STARD13: variants seen among roughly 807,000 people sequenced by gnomAD.
The protein encoded by STARD13 is StAR related lipid transfer domain containing 13.
STARD13 carries 62 observed loss-of-function variants against 106.4 expected under a neutral mutation model. The observed-to-expected ratio is 0.58, with a 90% confidence interval of 0.48 to 0.72. The LOEUF is 0.72. Among genes scored for constraint, STARD13 ranks in the 30% least tolerant of loss-of-function variants. The pLI, the probability that STARD13 is intolerant of heterozygous loss-of-function variation, is 0.00. For synonymous variants in STARD13, 565 were observed against 553.0 expected, an observed-to-expected ratio of 1.02 and a Z score of -0.31; for missense variants, 1,387 against 1,424.0, an observed-to-expected ratio of 0.97 and a Z score of 0.42.
chr13:33,500,886 C>G, the STARD13 span, among the ~76,000 whole-genome samples: 1 of 151,788 alleles, frequency 6.6e-6, no homozygotes, highest in Non-Finnish European at 1.5e-5. Context: ...TCAATTTAAA[C>G]AATGGAGATA....
intron 3 of STARD13, among the ~76,000 whole-genome samples, chr13:33,157,469 A>G: frequency 6.6e-6 from 1 of 152,178 alleles, no homozygotes; most frequent in East Asian, 1.9e-4. Context: ...CGAGTTTGAA[A>G]CCAGCCTGGC....
chr13:33,312,606 C>T (rs1317800785), intron 1 of STARD13, among the ~76,000 whole-genome samples: 1 of 152,150 alleles, frequency 6.6e-6, no homozygotes, highest in African/African-American at 2.4e-5. Context: ...ATGTGTTTGG[C>T]ATGAATACTT....
chr13:33,256,121 G>T (rs551222853), intron 1 of STARD13, among the ~76,000 whole-genome samples: 29 of 152,324 alleles, frequency 1.9e-4, no homozygotes, highest in African/African-American at 5.5e-4. Context: ...TCTTCAAAAT[G>T]AATTTTCAAA....
intron 1 of STARD13, among the ~76,000 whole-genome samples, chr13:33,301,961 C>T (rs1286275559): frequency 2.6e-5 from 4 of 152,072 alleles, no homozygotes; most frequent in South Asian, 4.1e-4. Flanking sequence ...TATACTTGTG[C>T]CTGCAGGCAG....
At chr13:33,501,754 G>A in the STARD13 span, among the ~76,000 whole-genome samples, 1 of 151,592 alleles carries the variant, frequency 6.6e-6, no homozygotes. Context: ...TCTCTGTTTT[G>A]GTACCATGCT....
intron 1 of STARD13, among the ~76,000 whole-genome samples, chr13:33,319,908 C>T (rs905965860): frequency 2.6e-5 from 4 of 152,174 alleles, no homozygotes; most frequent in African/African-American, 9.7e-5. Context: ...TGATACGGAA[C>T]CATACCATCC....
the STARD13 span, among the ~76,000 whole-genome samples, chr13:33,517,740 C>T: frequency 6.6e-6 from 1 of 152,152 alleles, no homozygotes; most frequent in Non-Finnish European, 1.5e-5. Flanking sequence ...TTGCCATCAA[C>T]AGCTGGACAT....
chr13:33,524,237 C>T, the STARD13 span: 19 of 1,275,284 alleles, frequency 1.5e-5, no homozygotes, highest in Non-Finnish European at 1.8e-5. Context: ...CTAAAACTTA[C>T]TTTAGTTTTT....
the STARD13 span, among the ~76,000 whole-genome samples, chr13:33,436,431 A>G: frequency 2.0e-5 from 3 of 152,256 alleles, no homozygotes; most frequent in Non-Finnish European, 4.4e-5. Context: ...AAGAGGAATT[A>G]AAAAGCAAAT....
chr13:33,316,478 C>T (rs940407780), intron 1 of STARD13, among the ~76,000 whole-genome samples: 1 of 152,126 alleles, frequency 6.6e-6, no homozygotes, highest in Non-Finnish European at 1.5e-5. Context: ...GAAGCTGTCC[C>T]AGGATAGGTT....
chr13:33,479,934 TCCTGTATAGCTG>T, the STARD13 span, among the ~76,000 whole-genome samples: 1 of 152,204 alleles, frequency 6.6e-6, no homozygotes, highest in African/African-American at 2.4e-5. Flanking sequence ...GCATCATGCT[TCCTGTATAGCTG>T]CCTGTGGAAC....
the STARD13 span, among the ~76,000 whole-genome samples, chr13:33,618,477 AC>A: frequency 6.7e-6 from 1 of 149,268 alleles, no homozygotes. Context: ...AATTTCTTCT[AC>A]CCATCCCTTC....
At chr13:33,465,998 C>G in the STARD13 span, among the ~76,000 whole-genome samples, 3 of 152,030 alleles carry the variant, frequency 2.0e-5, no homozygotes, top group African/African-American at 7.2e-5. Flanking sequence ...TCCAGAGTCC[C>G]CACTGAGGAA....
At chr13:33,200,856 T>TAA (rs1231830506) in intron 1 of STARD13, among the ~76,000 whole-genome samples, 1 of 142,294 alleles carries the variant, frequency 7.0e-6, no homozygotes, top group East Asian at 2.0e-4. Flanking sequence ...CCGTCTCTAC[T>TAA]AAAAAAAAAA....
chr13:33,350,227 G>A, intron 1 of STARD13: 2 of 1,461,726 alleles, frequency 1.4e-6, no homozygotes, highest in Admixed American at 2.5e-5. Context: ...GGCGGGCCCG[G>A]GCGGGCTACG....
intron 1 of STARD13, among the ~76,000 whole-genome samples, chr13:33,232,269 C>T (rs771430411): frequency 1.7e-4 from 26 of 152,252 alleles, no homozygotes; most frequent in African/African-American, 2.4e-4. Context: ...GCCGAGATCA[C>T]GCCACTGCAC....
chr13:33,615,089 G>T, the STARD13 span, among the ~76,000 whole-genome samples: 1 of 152,136 alleles, frequency 6.6e-6, no homozygotes, highest in Non-Finnish European at 1.5e-5. Flanking sequence ...AGAGAATAGG[G>T]TTAGAGATAT....
At chr13:33,296,366 A>G (rs1054271325) in intron 1 of STARD13, among the ~76,000 whole-genome samples, 2 of 152,172 alleles carry the variant, frequency 1.3e-5, no homozygotes, top group Non-Finnish European at 1.5e-5. Context: ...AAGATATACA[A>G]TCTTTATCAG....
At chr13:33,410,869 CACA>C in the STARD13 span, among the ~76,000 whole-genome samples, 1 of 152,168 alleles carries the variant, frequency 6.6e-6, no homozygotes, top group African/African-American at 2.4e-5. Flanking sequence ...CAAGCATCAG[CACA>C]ACAACTAGTC....
Sources: allele counts gnomAD v4.1 joint callset (sites outside exome capture counted in the v4.1 genomes callset), GRCh38; gene constraint gnomAD v4.1.1; transcripts MANE v1.5; gene names NCBI Gene and HGNC (gene_info 2026-07-23, HGNC 2026-07-21).